CSMD1: variants seen among roughly 807,000 people sequenced by gnomAD.
CSMD1 encodes the protein CUB and sushi domain-containing protein 1.
Under a neutral mutation model 417.5 loss-of-function variants are expected in CSMD1, and 213 were observed. That is an observed-to-expected ratio of 0.51 (90% confidence interval 0.46 to 0.57). CSMD1 has a LOEUF of 0.57. Ranked by LOEUF, CSMD1 falls within the 20% of genes least tolerant of loss-of-function variation. The pLI, the probability that CSMD1 is intolerant of heterozygous loss-of-function variation, is 0.00. For synonymous variants in CSMD1, 2,862 were observed against 1,736.8 expected, an observed-to-expected ratio of 1.65 and a Z score of -16.11; for missense variants, 6,923 against 4,529.7, an observed-to-expected ratio of 1.53 and a Z score of -15.17.
At chr8:3,342,223 T>C (rs1419755576) in intron 23 of CSMD1, among the ~76,000 whole-genome samples, 1 of 151,808 alleles carries the variant, frequency 6.6e-6, no homozygotes, top group Non-Finnish European at 1.5e-5. Context: ...TCACCTGTGA[T>C]TTTTTCCTCC....
At chr8:3,989,324 C>G (rs1004516173) in intron 5 of CSMD1, among the ~76,000 whole-genome samples, 1 of 152,178 alleles carries the variant, frequency 6.6e-6, no homozygotes, top group Non-Finnish European at 1.5e-5. Context: ...AAACCGAGGT[C>G]TGAATCAGTC....
chr8:3,971,216 G>A (rs1813064208), intron 5 of CSMD1, among the ~76,000 whole-genome samples: 1 of 152,164 alleles, frequency 6.6e-6, no homozygotes, highest in African/African-American at 2.4e-5. Flanking sequence ...CAGAGGCGCT[G>A]CTTCTGCCTA....
chr8:2,992,060 A>G (rs1024315279), intron 54 of CSMD1, among the ~76,000 whole-genome samples: 2 of 152,242 alleles, frequency 1.3e-5, no homozygotes, highest in African/African-American at 2.4e-5. Context: ...ATGTATAGCA[A>G]TTCTTTCAAT....
At chr8:3,929,689 T>A (rs1370025387) in intron 5 of CSMD1, among the ~76,000 whole-genome samples, 7 of 149,572 alleles carry the variant, frequency 4.7e-5, no homozygotes, top group Non-Finnish European at 7.4e-5. Flanking sequence ...TGAGATGGAG[T>A]TTCACTCTGT....
At chr8:3,084,653 T>C (rs1217585671) in intron 49 of CSMD1, among the ~76,000 whole-genome samples, 2 of 152,182 alleles carry the variant, frequency 1.3e-5, no homozygotes, top group East Asian at 1.9e-4. Flanking sequence ...ATATTTAATA[T>C]AGCTAAATCA....
intron 3 of CSMD1, among the ~76,000 whole-genome samples, chr8:4,087,306 G>T (rs1054257284): frequency 6.6e-6 from 1 of 152,146 alleles, no homozygotes; most frequent in Non-Finnish European, 1.5e-5. Context: ...TCCTGCAGGT[G>T]ATTTTCCAGG....
chr8:4,454,989 G>A (rs1799381456), intron 2 of CSMD1, among the ~76,000 whole-genome samples: 1 of 152,122 alleles, frequency 6.6e-6, no homozygotes, highest in African/African-American at 2.4e-5. Context: ...AGAGTTAGGA[G>A]AAGGGCTCCT....
chr8:3,481,440 G>C (rs1034481961), intron 11 of CSMD1, among the ~76,000 whole-genome samples: 4 of 152,138 alleles, frequency 2.6e-5, no homozygotes, highest in African/African-American at 9.7e-5. Flanking sequence ...GGCCCTAAAT[G>C]CAAGTGCAGT....
At chr8:3,077,465 C>T (rs550784002) in intron 49 of CSMD1, among the ~76,000 whole-genome samples, 2 of 152,358 alleles carry the variant, frequency 1.3e-5, no homozygotes, top group East Asian at 3.9e-4. Flanking sequence ...CACCTGCCTT[C>T]CAGCCTCAGA....
chr8:4,200,517 T>G (rs1206060611), intron 3 of CSMD1, among the ~76,000 whole-genome samples: 1 of 152,156 alleles, frequency 6.6e-6, no homozygotes. Flanking sequence ...GAGAAATTAT[T>G]TAGAAATGTA....
intron 3 of CSMD1, among the ~76,000 whole-genome samples, chr8:4,139,490 G>C (rs1470631005): frequency 6.9e-6 from 1 of 144,694 alleles, no homozygotes; most frequent in Non-Finnish European, 1.5e-5. Flanking sequence ...AGGTGGCGTG[G>C]ATGAATGGTC....
At chr8:3,564,667 G>A (rs975503198) in intron 10 of CSMD1, among the ~76,000 whole-genome samples, 3 of 152,010 alleles carry the variant, frequency 2.0e-5, no homozygotes, top group African/African-American at 7.3e-5. Context: ...AAGAACTGAG[G>A]TGTTATAAGA....
chr8:4,030,827 C>A (rs997448598), intron 4 of CSMD1, among the ~76,000 whole-genome samples: 1 of 152,190 alleles, frequency 6.6e-6, no homozygotes, highest in Non-Finnish European at 1.5e-5. Flanking sequence ...ACCCAAGACA[C>A]CTCTTGAATG....
chr8:3,831,235 C>A (rs1032366295), intron 5 of CSMD1, among the ~76,000 whole-genome samples: 1 of 152,028 alleles, frequency 6.6e-6, no homozygotes, highest in African/African-American at 2.4e-5. Context: ...ATAAAAAAAA[C>A]AAAGTTTTGA....
intron 2 of CSMD1, among the ~76,000 whole-genome samples, chr8:4,501,806 G>C (rs984880275): frequency 1.3e-5 from 2 of 152,088 alleles, no homozygotes; most frequent in Admixed American, 1.3e-4. Flanking sequence ...ACATGCAAGC[G>C]TAGTGGGCCT....
At chr8:4,143,195 T>A (rs1198096583) in intron 3 of CSMD1, among the ~76,000 whole-genome samples, 2 of 151,160 alleles carry the variant, frequency 1.3e-5, no homozygotes, top group East Asian at 1.9e-4. Context: ...GTGCTGAGAA[T>A]GTTTCCCTGT....
chr8:4,443,783 G>A (rs1290228956), intron 2 of CSMD1, among the ~76,000 whole-genome samples: 1 of 152,174 alleles, frequency 6.6e-6, no homozygotes, highest in Non-Finnish European at 1.5e-5. Context: ...TCTACCAAGT[G>A]TGATCTGTGT....
chr8:4,328,934 T>C (rs962004341), intron 3 of CSMD1, among the ~76,000 whole-genome samples: 1 of 152,246 alleles, frequency 6.6e-6, no homozygotes, highest in African/African-American at 2.4e-5. Flanking sequence ...TTCGCTGTTT[T>C]TGCAATGCAT....
chr8:4,349,456 T>C (rs1426700315), intron 3 of CSMD1, among the ~76,000 whole-genome samples: 1 of 152,204 alleles, frequency 6.6e-6, no homozygotes, highest in African/African-American at 2.4e-5. Flanking sequence ...ACTAGTGATA[T>C]GTCTCAGGTT....
Sources: gnomAD v4.1 joint callset for allele counts (sites outside exome capture counted in the v4.1 genomes callset) on GRCh38, gnomAD v4.1.1 for gene constraint, MANE v1.5 for transcripts, NCBI Gene and HGNC (gene_info 2026-07-23, HGNC 2026-07-21) for gene names.